GPHN: variants seen among roughly 807,000 people sequenced by gnomAD.
GPHN encodes the protein gephyrin.
In GPHN, 17 loss-of-function variants were observed where a neutral mutation model predicts 95.5. The observed-to-expected ratio is 0.18, with a 90% CI of 0.12 to 0.27. The LOEUF (loss-of-function observed/expected upper bound fraction) is 0.27, where lower values mean the gene tolerates loss of function less well. GPHN is among the 10% of genes least tolerant of loss of function. The pLI is 1.00. For synonymous variants in GPHN, 320 were observed against 322.5 expected (o/e 0.99, Z 0.08); for missense variants, 660 against 978.1 (o/e 0.67, Z 4.34).
the GPHN span, chr14:67,651,281 G>T: frequency 6.3e-7 from 1 of 1,596,068 alleles, no homozygotes; most frequent in Non-Finnish European, 8.5e-7. Flanking sequence ...GTGCATCCTT[G>T]AACTGTCAGC....
chr14:66,637,524 A>C (rs184843813), intron 1 of GPHN, among the ~76,000 whole-genome samples: 1 of 152,184 alleles, frequency 6.6e-6, no homozygotes, highest in Non-Finnish European at 1.5e-5. Flanking sequence ...AGTCTAATGC[A>C]TACTAGAGAC....
At chr14:66,763,281 G>C (rs1384625036) in intron 2 of GPHN, among the ~76,000 whole-genome samples, 4 of 136,900 alleles carry the variant, frequency 2.9e-5, no homozygotes, top group African/African-American at 8.1e-5. Context: ...GGGTACATGT[G>C]CACATTGTGC....
the GPHN span, among the ~76,000 whole-genome samples, chr14:67,327,189 T>G: frequency 6.6e-6 from 1 of 152,128 alleles, no homozygotes; most frequent in Admixed American, 6.5e-5. Context: ...AGAAAAAATT[T>G]TTTTTGAGCT....
At chr14:67,500,818 G>A in the GPHN span, among the ~76,000 whole-genome samples, 4 of 151,914 alleles carry the variant, frequency 2.6e-5, no homozygotes, top group African/African-American at 4.8e-5. Flanking sequence ...TGATCCGCCC[G>A]CCTCGGCCTT....
At chr14:66,673,019 T>C (rs2066386951) in intron 1 of GPHN, among the ~76,000 whole-genome samples, 2 of 152,210 alleles carry the variant, frequency 1.3e-5, no homozygotes, top group South Asian at 2.1e-4. Context: ...TTTGTGTTTC[T>C]AATTGAACAT....
At chr14:67,023,275 CAAG>C (rs1045501429) in intron 9 of GPHN, among the ~76,000 whole-genome samples, 1 of 151,934 alleles carries the variant, frequency 6.6e-6, no homozygotes, top group Non-Finnish European at 1.5e-5. Context: ...TTATTCTAGT[CAAG>C]AGATATACTG....
At chr14:66,655,920 C>G (rs2065280230) in intron 1 of GPHN, among the ~76,000 whole-genome samples, 1 of 152,012 alleles carries the variant, frequency 6.6e-6, no homozygotes, top group South Asian at 2.1e-4. Flanking sequence ...GAATATTGAA[C>G]CAGCCTTGCA....
At chr14:67,619,784 G>T in the GPHN span, 1 of 544,456 alleles carries the variant, frequency 1.8e-6, no homozygotes. Context: ...CTTGCAGAGC[G>T]GTGGGCGGGG....
intron 1 of GPHN, among the ~76,000 whole-genome samples, chr14:66,558,088 T>G (rs1160947383): frequency 6.6e-6 from 1 of 152,140 alleles, no homozygotes; most frequent in Non-Finnish European, 1.5e-5. Context: ...AAATATTTTC[T>G]CTTTAAAAAC....
intron 12 of GPHN, among the ~76,000 whole-genome samples, chr14:67,095,837 A>G (rs1173562525): frequency 6.6e-6 from 1 of 151,812 alleles, no homozygotes; most frequent in Non-Finnish European, 1.5e-5. Flanking sequence ...CTAAATGACA[A>G]GTTAATGGGT....
chr14:67,639,923 T>TC, the GPHN span, among the ~76,000 whole-genome samples: 44 of 43,170 alleles, frequency 1.0e-3, no homozygotes, highest in Non-Finnish European at 1.6e-3. Flanking sequence ...AGACCCTGTC[T>TC]CAAAAAAAAA....
At chr14:66,850,828 G>A (rs1291736499) in intron 4 of GPHN, among the ~76,000 whole-genome samples, 1 of 152,034 alleles carries the variant, frequency 6.6e-6, no homozygotes, top group African/African-American at 2.4e-5. Flanking sequence ...GATCTTACTG[G>A]TTAGGAAAGT....
chr14:67,720,156 A>C, the GPHN span, among the ~76,000 whole-genome samples: 1 of 152,182 alleles, frequency 6.6e-6, no homozygotes, highest in African/African-American at 2.4e-5. Flanking sequence ...TATAATTTTA[A>C]TTTGCATCTC....
chr14:67,514,073 G>A, the GPHN span, among the ~76,000 whole-genome samples: 1 of 152,182 alleles, frequency 6.6e-6, no homozygotes, highest in Non-Finnish European at 1.5e-5. Flanking sequence ...TATTACTAGG[G>A]TGCTGAGAAC....
intron 16 of GPHN, among the ~76,000 whole-genome samples, chr14:67,114,167 G>GTA (rs764777588): frequency 8.5e-5 from 13 of 152,224 alleles, no homozygotes; most frequent in Non-Finnish European, 1.8e-4. Context: ...TTACTTCCCA[G>GTA]TATATATGCA....
the GPHN span, chr14:67,727,475 TG>T: frequency 0.038 from 11,561 of 307,062 alleles, 39 homozygotes; most frequent in Non-Finnish European, 0.049. Flanking sequence ...AGAGGCTTTT[TG>T]TTTTTTTTGT....
At chr14:67,466,804 C>A in the GPHN span, among the ~76,000 whole-genome samples, 1 of 152,022 alleles carries the variant, frequency 6.6e-6, no homozygotes, top group Non-Finnish European at 1.5e-5. Context: ...ACTAGCCTGG[C>A]CAACATGGCA....
At chr14:67,348,966 G>T in the GPHN span, 1 of 1,420,946 alleles carries the variant, frequency 7.0e-7, no homozygotes, top group Non-Finnish European at 9.9e-7. Context: ...AGATCTTGCT[G>T]TATAAACAGG....
chr14:67,119,058 C>G (rs538491129), intron 16 of GPHN, among the ~76,000 whole-genome samples: 5 of 152,002 alleles, frequency 3.3e-5, no homozygotes, highest in Non-Finnish European at 5.9e-5. Context: ...AGAGATTGGT[C>G]GGAATTTGTA....
Sources: allele counts gnomAD v4.1 joint callset (sites outside exome capture counted in the v4.1 genomes callset), GRCh38; gene constraint gnomAD v4.1.1; transcripts MANE v1.5; gene names NCBI Gene and HGNC (gene_info 2026-07-23, HGNC 2026-07-21).